The following STXBP6 variants were observed in gnomAD, a reference collection of about 807,000 sequenced individuals.
STXBP6 encodes the protein syntaxin-binding protein 6.
Under a neutral mutation model 26.9 loss-of-function variants are expected in STXBP6, and 21 were observed. The observed-to-expected ratio is 0.78, with a 90% CI of 0.55 to 1.12. The LOEUF (loss-of-function observed/expected upper bound fraction) is 1.12, where lower values mean the gene tolerates loss of function less well. Ranked by LOEUF, STXBP6 falls within the 50% of genes most tolerant of loss-of-function variation. The probability of loss-of-function intolerance (pLI) is 0.00; values close to 1 mark genes in which losing one functional copy is unlikely to be tolerated. For missense variants in STXBP6, 232 were observed against 257.9 expected (o/e 0.90, Z 0.69); for synonymous variants, 97 against 92.6 (o/e 1.05, Z -0.27).
At chr14:24,977,155 C>T (rs186872148) in intron 1 of STXBP6, among the ~76,000 whole-genome samples, 5 of 152,070 alleles carry the variant, frequency 3.3e-5, no homozygotes, top group Admixed American at 6.5e-5. Context: ...TGAGCCACCG[C>T]GCCCTGTCTC....
At chr14:24,977,827 T>C (rs1360325264) in intron 1 of STXBP6, among the ~76,000 whole-genome samples, 1 of 152,198 alleles carries the variant, frequency 6.6e-6, no homozygotes, top group Non-Finnish European at 1.5e-5. Flanking sequence ...AATCCTCACC[T>C]TTCTCACCCA....
intron 1 of STXBP6, among the ~76,000 whole-genome samples, chr14:24,978,404 T>A (rs1159535214): frequency 6.6e-6 from 1 of 152,212 alleles, no homozygotes; most frequent in African/African-American, 2.4e-5. Flanking sequence ...GGAGAGAATA[T>A]AGGAAGACAA....
chr14:24,937,995 C>A (rs1036950579), intron 2 of STXBP6, among the ~76,000 whole-genome samples: 1 of 152,182 alleles, frequency 6.6e-6, no homozygotes, highest in African/African-American at 2.4e-5. Context: ...TGATGAGGTG[C>A]AAAATCATAT....
At chr14:25,032,586 A>G (rs1214009250) in intron 1 of STXBP6, among the ~76,000 whole-genome samples, 1 of 152,190 alleles carries the variant, frequency 6.6e-6, no homozygotes, top group Non-Finnish European at 1.5e-5. Context: ...CTCACCTACC[A>G]AGAGCCAACT....
Position 24,948,548 on chromosome 14 carries a change from G to C in STXBP6, c.154+26117C>G, listed in dbSNP as rs187918431. ...GAGTTCAGAGAACTCTCTTGAAATG[G>C]GAAAACTAGGTGACAACTGTCCTCT... On this transcript the variant is annotated intron_variant, in intron 2 of 5. Transcript: ENST00000323944. Among the ~76,000 whole-genome samples, 247 of 152,188 alleles carry C rather than the reference G, an allele frequency of 1.6e-3. 1 individual carries two copies. The highest frequency in any genetic ancestry group is 0.013 in the South Asian group (64 of 4,812).
intron 4 of STXBP6, among the ~76,000 whole-genome samples, chr14:24,849,576 T>A (rs975349055): frequency 6.6e-6 from 1 of 152,156 alleles, no homozygotes; most frequent in Non-Finnish European, 1.5e-5. Flanking sequence ...TAGTTCCTCA[T>A]GAATCATTTT....
At chr14:25,014,306 C>G (rs999043902) in intron 1 of STXBP6, among the ~76,000 whole-genome samples, 2 of 152,040 alleles carry the variant, frequency 1.3e-5, no homozygotes, top group African/African-American at 4.8e-5. Flanking sequence ...ACCAGCCTGG[C>G]CAACATGGTG....
intron 1 of STXBP6, among the ~76,000 whole-genome samples, chr14:25,036,683 T>C (rs1267754760): frequency 6.6e-6 from 1 of 151,620 alleles, no homozygotes; most frequent in Non-Finnish European, 1.5e-5. Flanking sequence ...TGAAACCCCG[T>C]CTCTACTAAA....
chr14:24,994,834 C>CTCTA (rs2074559453), intron 1 of STXBP6: 2 of 151,660 alleles, frequency 1.3e-5, no homozygotes, highest in Non-Finnish European at 2.9e-5. Flanking sequence ...CAGAGTAAAA[C>CTCTA]CCTGTCTCTA....
At chr14:24,879,621 T>C (rs1016135541) in intron 2 of STXBP6, among the ~76,000 whole-genome samples, 1 of 152,198 alleles carries the variant, frequency 6.6e-6, no homozygotes, top group Non-Finnish European at 1.5e-5. Flanking sequence ...CCTAAACCAA[T>C]TATTTTAAGA....
chr14:25,044,959 T>G (rs77045660), intron 1 of STXBP6, among the ~76,000 whole-genome samples: 46,205 of 152,002 alleles, frequency 0.3, 7,051 homozygotes, highest in Non-Finnish European at 0.31. Flanking sequence ...GTGGAGACTT[T>G]CTTAGCCACT....
rs529316452 is a variant in STXBP6 at position 25,008,578 on chromosome 14, G to A, written c.-32-33728C>T. ...GTTATAATTAATTTGACAAGCTGTT[G>A]CTTGATAGAACTTTAAAATTCATGT... is the stretch of plus-strand genomic sequence containing the variant. On this transcript the variant is annotated intron_variant, in intron 1 of 5. Transcript: ENST00000323944. 2.0e-5 allele frequency among the ~76,000 whole-genome samples: 3 copies of A among 152,294 alleles called. No homozygotes were observed. The South Asian group carries it at 6.2e-4, about 32-fold the overall frequency.
chr14:24,821,484 G>C (rs1006674915), intron 4 of STXBP6, among the ~76,000 whole-genome samples: 1 of 152,168 alleles, frequency 6.6e-6, no homozygotes, highest in Admixed American at 6.5e-5. Context: ...TAGAGAACCA[G>C]ATGCTGTCTT....
intron 2 of STXBP6, among the ~76,000 whole-genome samples, chr14:24,929,386 G>A (rs374939994): frequency 9.9e-5 from 15 of 152,262 alleles, no homozygotes; most frequent in African/African-American, 3.1e-4. Flanking sequence ...TAAGCAAAAG[G>A]CCACATTTCT....
chr14:24,832,061 G>T (rs1423269460), intron 4 of STXBP6, among the ~76,000 whole-genome samples: 2 of 151,112 alleles, frequency 1.3e-5, no homozygotes, highest in African/African-American at 4.9e-5. Context: ...GAAGCTGAGG[G>T]TTTTAATTTC....
intron 4 of STXBP6, among the ~76,000 whole-genome samples, chr14:24,826,421 G>A (rs576102646): frequency 2.6e-5 from 4 of 151,954 alleles, no homozygotes; most frequent in Non-Finnish European, 5.9e-5. Flanking sequence ...TTGTTACCTG[G>A]CACTGGAGAG....
chr14:24,919,639 A>C (rs1005468936), intron 2 of STXBP6, among the ~76,000 whole-genome samples: 1 of 151,986 alleles, frequency 6.6e-6, no homozygotes, highest in Non-Finnish European at 1.5e-5. Context: ...AATTTTATAC[A>C]ACAATTTTAA....
rs201767387 is a variant in STXBP6, at chr14:25,002,771, C to CT, written c.-32-27922dup. Among the ~76,000 whole-genome samples the CT allele has an allele frequency of 1.6e-3, 243 of 148,456 alleles. 1 individual carries two copies. Among genetic ancestry groups the CT allele is most frequent in the African/African-American group, 5.0e-3 (205 of 40,862 alleles). On this transcript the variant is annotated intron_variant, in intron 1 of 5. Coordinates refer to ENST00000323944, the MANE Select transcript of STXBP6 (RefSeq NM_001394410.1). ...TGAAATGTTTTTAAATGTACAGATT[C>CT]TTTTTTTTTTTCTAAGATGGAGTTT...
chr14:25,038,118 C>T (rs766873163), intron 1 of STXBP6, among the ~76,000 whole-genome samples: 11 of 152,008 alleles, frequency 7.2e-5, no homozygotes, highest in African/African-American at 1.7e-4. Context: ...ACAAGAGGCA[C>T]GGAAAGATAC....
Sources: gnomAD v4.1 joint callset for allele counts (sites outside exome capture counted in the v4.1 genomes callset) on GRCh38, gnomAD v4.1.1 for gene constraint, MANE v1.5 for transcripts, NCBI Gene and HGNC (gene_info 2026-07-23, HGNC 2026-07-21) for gene names.